The following RBBP5 variants were observed in gnomAD, a reference collection of about 807,000 sequenced individuals.
RBBP5 encodes retinoblastoma-binding protein 5.
RBBP5 carries 5 observed loss-of-function variants against 72.2 expected under a neutral mutation model. That is an observed-to-expected ratio of 0.07 (90% CI 0.04 to 0.15). RBBP5 has a LOEUF of 0.15. Ranked by LOEUF, RBBP5 falls within the 10% of genes least tolerant of loss-of-function variation. RBBP5 has a pLI of 1.00. For synonymous variants in RBBP5, 209 were observed against 237.2 expected (o/e 0.88, Z 1.09); for missense variants, 322 against 652.2 (o/e 0.49, Z 5.51).
chr1:205,091,575 A>G (rs1655350956), intron 13 of RBBP5: 1 of 152,194 alleles, frequency 6.6e-6, no homozygotes, highest in South Asian at 2.1e-4. Context: ...CTCTCTGCCA[A>G]TTTTCCCTTG....
At chr1:205,089,913 G>A (rs1169817685) in intron 13 of RBBP5, among the ~76,000 whole-genome samples, 3 of 151,956 alleles carry the variant, frequency 2.0e-5, no homozygotes, top group Non-Finnish European at 4.4e-5. Flanking sequence ...TTGCAATGGC[G>A]TGATCTCAGC....
At chr1:205,094,775 G>A in intron 13 of RBBP5, 98 bp downstream of exon 13, 1 of 1,304,382 alleles carries the variant, frequency 7.7e-7, no homozygotes, top group Non-Finnish European at 1.0e-6. Context: ...AAAAACGAGG[G>A]AAGAGAGGGG....
chr1:205,104,931 T>C lies in RBBP5; in HGVS notation c.359+97A>G, dbSNP rs1655996166. On this transcript the variant is annotated intron_variant, in intron 4 of 13. Coordinates refer to ENST00000264515, the MANE Select transcript of RBBP5 (RefSeq NM_005057.4). The stretch of plus-strand genomic sequence containing the variant: ...TGTAGAAGGTTTGAAGAGATGTGTA[T>C]TTGCCTTCTAAAACCATAAACTAAA... 2.2e-6 allele frequency: 3 copies of C among 1,379,030 alleles called. No individual in the cohort carries two copies. The South Asian group carries it at 3.8e-5, about 17-fold the overall frequency. 85.4% of individuals were successfully genotyped at this position (1,379,030 alleles called of 1,614,324 possible).
At chr1:205,105,604 G>A (rs530926936) in intron 3 of RBBP5, among the ~76,000 whole-genome samples, 2 of 152,230 alleles carry the variant, frequency 1.3e-5, no homozygotes, top group African/African-American at 4.8e-5. Context: ...ATTCCTCCTG[G>A]TAAGTACAGA....
Position 205,115,875 on chromosome 1 carries a change from C to A in RBBP5, c.28G>T (p.Gly10Trp). The A allele has an allele frequency of 6.2e-7, 1 of 1,613,060 alleles. No individual in the cohort carries two copies. The highest frequency in any genetic ancestry group is 1.1e-5 in the South Asian group (1 of 90,994). Residue 10 changes from glycine (G) to tryptophan (W), a missense_variant, in exon 2 of 14, where the codon GGG becomes TGG. Transcript: ENST00000264515. MNLELLESF[G>W]QNYPEEADGT... ...ACTCTTACCTCTGGATAGTTCTGCC[C>A]AAAGGACTCTGCAACAAAGCAAAGA...
chr1:205,101,809 CA>C (rs1253285985), intron 5 of RBBP5, 100 bp from the exon 6 acceptor site: 2 of 803,626 alleles, frequency 2.5e-6, no homozygotes, highest in Admixed American at 4.7e-5. Context: ...GGTAAAAATG[CA>C]AATGTCTCTA....
intron 13 of RBBP5, among the ~76,000 whole-genome samples, chr1:205,090,954 AT>A (rs1223508257): frequency 1.3e-5 from 2 of 152,166 alleles, no homozygotes; most frequent in Non-Finnish European, 2.9e-5. Flanking sequence ...AAAATCACAG[AT>A]TCAGTAAGTG....
intron 5 of RBBP5, 65 bp downstream of exon 5, chr1:205,103,792 C>A: frequency 6.5e-7 from 1 of 1,550,164 alleles, no homozygotes; most frequent in Non-Finnish European, 8.8e-7. Flanking sequence ...TCAAAAGAAA[C>A]AAAACAAGTA....
intron 2 of RBBP5, among the ~76,000 whole-genome samples, chr1:205,115,544 A>G (rs1323553378): frequency 2.0e-5 from 3 of 152,210 alleles, no homozygotes; most frequent in African/African-American, 7.2e-5. Flanking sequence ...TTACTACATA[A>G]AAACATTGAT....
At chr1:205,090,256 G>C (rs1328714778) in intron 13 of RBBP5, among the ~76,000 whole-genome samples, 2 of 152,102 alleles carry the variant, frequency 1.3e-5, no homozygotes, top group African/African-American at 4.8e-5. Flanking sequence ...TATTCCCACA[G>C]GTACCCTGAC....
chr1:205,095,991 G>A (rs1368779777), intron 12 of RBBP5, among the ~76,000 whole-genome samples: 4 of 152,124 alleles, frequency 2.6e-5, no homozygotes, highest in South Asian at 2.1e-4. Context: ...TCTGGAGTTC[G>A]AGACCAGCCT....
At chr1:205,093,533 TAC>T (rs372536310) in intron 13 of RBBP5, among the ~76,000 whole-genome samples, 60 of 4,872 alleles carry the variant, frequency 0.012, 1 homozygote, top group Middle Eastern at 0.17. Context: ...TATATATATA[TAC>T]ACACACACAC....
intron 1 of RBBP5, among the ~76,000 whole-genome samples, chr1:205,120,493 G>T (rs948779803): frequency 1.3e-5 from 2 of 152,302 alleles, no homozygotes; most frequent in Non-Finnish European, 1.5e-5. Flanking sequence ...ACTTCAGCCT[G>T]TTGATATTTT....
At chr1:205,092,318 T>A (rs1270501001) in intron 13 of RBBP5, among the ~76,000 whole-genome samples, 1 of 152,188 alleles carries the variant, frequency 6.6e-6, no homozygotes, top group Non-Finnish European at 1.5e-5. Flanking sequence ...TTTTTAATTA[T>A]TTTTTTCTTT....
At chr1:205,090,913 G>C (rs1457748897) in intron 13 of RBBP5, among the ~76,000 whole-genome samples, 1 of 151,524 alleles carries the variant, frequency 6.6e-6, no homozygotes, top group Non-Finnish European at 1.5e-5. Flanking sequence ...GAGAAAAAAA[G>C]AAAACAAAAC....
In RBBP5 at chr1:205,099,010, T is replaced by C. The variant is rs778203449; in HGVS notation, c.1075A>G (p.Lys359Glu). Reference sequence around the variant, plus strand: ...GTACCTGTCTGCTCAGGCTCACTCTTATCTTCATCTTCAATATCAAACTCT... The same window carrying C: ...GTACCTGTCTGCTCAGGCTCACTCTCATCTTCATCTTCAATATCAAACTCT... Reference protein sequence around the residue: ...ESEFDIEDEDKSEPEQTGADA... With the variant: ...ESEFDIEDEDESEPEQTGADA... Residue 359 changes from lysine (K) to glutamate (E), a missense_variant, in exon 10 of 14, where the codon AAG becomes GAG. Physicochemically the swap from Lys to Glu is moderately conservative, Grantham distance 56. This residue lies in a region of RBBP5 where 30 missense variants were observed against 82.1 expected (regional missense o/e 0.37). Transcript: ENST00000264515. The surrounding 1 kb of genome is among the most constrained non-coding windows in gnomAD (Gnocchi z 4.7). 1.2e-6 allele frequency: 2 copies of C among 1,609,180 alleles called. No homozygotes were observed. The highest frequency in any genetic ancestry group is 1.7e-6 in the Non-Finnish European group (2 of 1,177,974).
At chr1:205,088,935 C>T in intron 13 of RBBP5, 120 bp from the exon 14 acceptor site, 1 of 880,424 alleles carries the variant, frequency 1.1e-6, no homozygotes, top group Non-Finnish European at 1.7e-6. Context: ...AAGAAATTCC[C>T]CTTTTTAAGA....
At chr1:205,114,125 C>T (rs940027174) in intron 3 of RBBP5, among the ~76,000 whole-genome samples, 1 of 152,230 alleles carries the variant, frequency 6.6e-6, no homozygotes, top group Non-Finnish European at 1.5e-5. Flanking sequence ...CAGTACTTTA[C>T]TGGCCAAACT....
intron 3 of RBBP5, among the ~76,000 whole-genome samples, chr1:205,108,362 A>G (rs1474318246): frequency 6.6e-6 from 1 of 152,232 alleles, no homozygotes; most frequent in Non-Finnish European, 1.5e-5. Context: ...ATTATATTAC[A>G]CACAAGAAAG....
Sources: allele counts gnomAD v4.1 joint callset (sites outside exome capture counted in the v4.1 genomes callset), GRCh38; gene constraint gnomAD v4.1.1; regional missense constraint gnomAD v4.1.1; non-coding constraint Gnocchi (gnomAD v3.1); transcripts MANE v1.5; gene names NCBI Gene and HGNC (gene_info 2026-07-23, HGNC 2026-07-21).